TDRD5: variants seen among roughly 807,000 people sequenced by gnomAD.
TDRD5 encodes tudor domain containing 5.
TDRD5 carries 41 observed loss-of-function variants against 120.6 expected under a neutral mutation model. That is an observed-to-expected ratio of 0.34 (90% CI 0.26 to 0.44). The LOEUF is 0.44. Ranked by LOEUF, TDRD5 falls within the 20% of genes least tolerant of loss-of-function variation. The probability of loss-of-function intolerance (pLI) is 1.00; values close to 1 mark genes in which losing one functional copy is unlikely to be tolerated. For synonymous variants in TDRD5, 430 were observed against 433.7 expected (o/e 0.99, Z 0.11); for missense variants, 1,006 against 1,221.2 (o/e 0.82, Z 2.63).
At chr1:179,686,006 C>T (rs1680691033) in intron 17 of TDRD5, among the ~76,000 whole-genome samples, 1 of 152,148 alleles carries the variant, frequency 6.6e-6, no homozygotes, top group Admixed American at 6.6e-5. Flanking sequence ...AATTTGACTT[C>T]CTCTTTTCCT....
intron 4 of TDRD5, among the ~76,000 whole-genome samples, chr1:179,614,693 A>G (rs1376459342): frequency 1.3e-5 from 2 of 151,854 alleles, no homozygotes; most frequent in Admixed American, 6.6e-5. Context: ...ACCCACCTGC[A>G]TTTCCTTTCT....
In TDRD5 at chr1:179,669,184, C is replaced by T; in HGVS notation, c.2650-10C>T. 2 of 1,604,668 alleles carry T rather than the reference C, an allele frequency of 1.2e-6. No individual in the cohort carries two copies. The highest frequency in any genetic ancestry group is 2.2e-5 in the South Asian group (2 of 89,428). ...TTTCATGTTTTTGCCCCATTTTTCC[C>T]ATTCTGCAGCAACTAGACATAAATG... On this transcript the variant is annotated splice_polypyrimidine_tract_variant and intron_variant, in intron 16 of 17. Transcript: ENST00000444136.
chr1:179,663,425 A>T lies in TDRD5; in HGVS notation c.2583A>T (p.Val861=). Residue 861 remains valine (V), a synonymous_variant, in exon 16 of 18, where the codon GTA becomes GTT. Coordinates refer to ENST00000444136, the MANE Select transcript of TDRD5 (RefSeq NM_001199085.3). The stretch of plus-strand genomic sequence containing the variant: ...CAGGCCTTGTAAATGGAACGAAAGT[A>T]GAAGTTCATAAGCCAGAAGTACTGG... ...QPSGLVNGTK[V]EVHKPEVLGA... is the part of the protein sequence containing the mutation. The T allele has an allele frequency of 1.2e-6, 2 of 1,613,886 alleles. No homozygotes were observed. Among genetic ancestry groups the T allele is most frequent in the Non-Finnish European group, 1.7e-6 (2 of 1,179,888 alleles).
chr1:179,599,032 T>G (rs1675554148), intron 4 of TDRD5, among the ~76,000 whole-genome samples: 1 of 152,096 alleles, frequency 6.6e-6, no homozygotes, highest in Non-Finnish European at 1.5e-5. Flanking sequence ...TTGAGAAAAT[T>G]CCCTCCTATT....
At chr1:179,607,894 T>C (rs1301447482) in intron 4 of TDRD5, among the ~76,000 whole-genome samples, 2 of 152,010 alleles carry the variant, frequency 1.3e-5, no homozygotes, top group African/African-American at 4.8e-5. Flanking sequence ...TGCTCTCCAA[T>C]TCTTTCTGTT....
chr1:179,615,945 A>G (rs528256536), intron 4 of TDRD5, among the ~76,000 whole-genome samples: 1 of 152,234 alleles, frequency 6.6e-6, no homozygotes, highest in East Asian at 1.9e-4. Context: ...CATTGTCCTT[A>G]TAGCACTAGG....
intron 9 of TDRD5, among the ~76,000 whole-genome samples, chr1:179,639,609 G>C (rs1214179795): frequency 3.9e-5 from 6 of 152,198 alleles, no homozygotes; most frequent in African/African-American, 1.4e-4. Flanking sequence ...AGCAGAGAAT[G>C]TGAGATCAGA....
chr1:179,639,326 T>C (rs4468120), intron 9 of TDRD5, among the ~76,000 whole-genome samples: 25,456 of 152,160 alleles, frequency 0.17, 2,587 homozygotes, highest in Admixed American at 0.22. Flanking sequence ...CCTAAGCTTA[T>C]ATTATGTTAT....
chr1:179,651,981 C>T (rs1024673863), intron 12 of TDRD5, 58 bp from the exon 13 acceptor site: 78 of 1,554,654 alleles, frequency 5.0e-5, no homozygotes, highest in Non-Finnish European at 5.8e-5. Flanking sequence ...AGTGCTTTCT[C>T]GCCCTTTTTC....
rs1409605929 is a variant in TDRD5, at chr1:179,637,712, CT to C, written c.1520+1826del. ...CCTGGGCAACAGAGTAAGGCCCTGT[CT>C]GGGGGAAAAAAAAAAAATACTGTAA... On this transcript the variant is annotated intron_variant, in intron 9 of 17. Coordinates refer to ENST00000444136, the MANE Select transcript of TDRD5 (RefSeq NM_001199085.3). Among the ~76,000 whole-genome samples, 3 of 73,626 alleles carry C rather than the reference CT, an allele frequency of 4.1e-5. No homozygotes were observed. The East Asian group carries it at 8.7e-4, about 21-fold the overall frequency. The allele number at this position is 73,626 out of a possible 152,430, so 48.3% of individuals were successfully genotyped here.
chr1:179,617,185 G>GA (rs893004770), intron 4 of TDRD5, among the ~76,000 whole-genome samples: 24 of 152,226 alleles, frequency 1.6e-4, no homozygotes, highest in African/African-American at 5.8e-4. Flanking sequence ...GAAAATAGGG[G>GA]AAAACCCTCA....
chr1:179,604,794 T>C (rs1350445013), intron 4 of TDRD5, among the ~76,000 whole-genome samples: 2 of 152,178 alleles, frequency 1.3e-5, no homozygotes, highest in Non-Finnish European at 1.5e-5. Flanking sequence ...TATGGCCTAT[T>C]ATATGGTCTA....
At chr1:179,609,926 C>A (rs1676192499) in intron 4 of TDRD5, among the ~76,000 whole-genome samples, 3 of 152,112 alleles carry the variant, frequency 2.0e-5, no homozygotes, top group Non-Finnish European at 4.4e-5. Context: ...ATTTTAGCAT[C>A]CTCATCATCT....
At chr1:179,631,088 A>G (rs1677418224) in intron 7 of TDRD5, among the ~76,000 whole-genome samples, 168 bp downstream of exon 7, 2 of 152,114 alleles carry the variant, frequency 1.3e-5, no homozygotes, top group South Asian at 4.1e-4. Flanking sequence ...AATAATCTGA[A>G]TTTTAAAATT....
chr1:179,651,965 T>G, intron 12 of TDRD5, 74 bp from the exon 13 acceptor site: 4 of 1,474,308 alleles, frequency 2.7e-6, no homozygotes, highest in Non-Finnish European at 3.7e-6. Flanking sequence ...CATTTGAAAG[T>G]TATTAAGTGC....
chr1:179,675,278 T>A (rs1005614203), intron 17 of TDRD5, among the ~76,000 whole-genome samples: 152 of 120,794 alleles, frequency 1.3e-3, no homozygotes, highest in African/African-American at 4.0e-3. Context: ...TTATTATTTT[T>A]TTTTTTTTTT....
intron 6 of TDRD5, among the ~76,000 whole-genome samples, chr1:179,626,766 A>G (rs1332172989): frequency 1.3e-5 from 2 of 149,822 alleles, no homozygotes; most frequent in Non-Finnish European, 3.0e-5. Context: ...AAATCTTAGG[A>G]AAAAAAGGAA....
chr1:179,667,831 A>G (rs1679633828), intron 16 of TDRD5, among the ~76,000 whole-genome samples: 2 of 152,214 alleles, frequency 1.3e-5, no homozygotes, highest in African/African-American at 4.8e-5. Flanking sequence ...ATATAATTAT[A>G]TAAGCCACAT....
intron 5 of TDRD5, among the ~76,000 whole-genome samples, chr1:179,619,963 G>A (rs1243969135): frequency 6.6e-6 from 1 of 152,098 alleles, no homozygotes; most frequent in Non-Finnish European, 1.5e-5. Flanking sequence ...TTAAAGGATT[G>A]GTTATGTATC....
Sources: gnomAD v4.1 joint callset for allele counts (sites outside exome capture counted in the v4.1 genomes callset) on GRCh38, gnomAD v4.1.1 for gene constraint, MANE v1.5 for transcripts, NCBI Gene and HGNC (gene_info 2026-07-23, HGNC 2026-07-21) for gene names.